LGALS3BP: variants seen among roughly 807,000 people sequenced by gnomAD.
LGALS3BP encodes galectin 3 binding protein, also known as galectin-3-binding protein.
Under a neutral mutation model 22.9 loss-of-function variants are expected in LGALS3BP, and 25 were observed. That is an observed-to-expected ratio of 1.09 (90% CI 0.80 to 1.53). LGALS3BP has a LOEUF of 1.53. LGALS3BP is among the 40% of genes most tolerant of loss of function. The pLI, the probability that LGALS3BP is intolerant of heterozygous loss-of-function variation, is 0.00. For synonymous variants in LGALS3BP, 335 were observed against 331.1 expected (o/e 1.01, Z -0.13); for missense variants, 718 against 752.0 (o/e 0.95, Z 0.53).
chr17:78,975,700 G>A (rs1279727367), intron 3 of LGALS3BP, among the ~76,000 whole-genome samples: 1 of 146,068 alleles, frequency 6.8e-6, no homozygotes, highest in Admixed American at 7.2e-5. Flanking sequence ...GCTGAGACAG[G>A]AGAATCACTT....
rs2070679603 is a variant in LGALS3BP, at chr17:78,972,316, C to T, written c.1018G>A (p.Glu340Lys). Residue 340 changes from glutamate to lysine, a missense_variant, in exon 6 of 6, where the codon GAG becomes AAG. Coordinates refer to ENST00000262776, the MANE Select transcript of LGALS3BP (RefSeq NM_005567.4). This position sits in a 1 kb window ranked among gnomAD's most constrained non-coding sequence, Gnocchi z 5.1. The part of the protein sequence containing the change: ...WGERASHEEV[E>K]GLVEKIRFPM... ...AAGCGGATCTTCTCCACCAAGCCCT[C>T]CACCTCCTCATGGGAGGCACGCTCC... The T allele has an allele frequency of 6.2e-7, 1 of 1,613,392 alleles. No homozygotes were observed. The highest frequency in any genetic ancestry group is 8.5e-7 in the Non-Finnish European group (1 of 1,179,902).
chr17:78,974,097 A>G (rs1003035802), intron 4 of LGALS3BP, among the ~76,000 whole-genome samples: 3 of 152,134 alleles, frequency 2.0e-5, no homozygotes, highest in Non-Finnish European at 4.4e-5. Flanking sequence ...CTGGGATTCG[A>G]CCCGTCCTGC....
intron 4 of LGALS3BP, among the ~76,000 whole-genome samples, chr17:78,974,100 C>T (rs373881730): frequency 1.6e-4 from 24 of 152,274 alleles, no homozygotes; most frequent in Admixed American, 5.2e-4. Context: ...GGATTCGACC[C>T]GTCCTGCCTT....
rs1468454601 is a variant in LGALS3BP, at chr17:78,972,303, TCCA to T, written c.1028_1030del (p.Val343del). On this transcript the variant is annotated inframe_deletion, in exon 6 of 6. Transcript: ENST00000262776. This position sits in a 1 kb window ranked among gnomAD's most constrained non-coding sequence, Gnocchi z 5.1. ...GAGCATCATGGGGAAGCGGATCTTCTCCACCAAGCCCTCCACCTCCTCATGGGA... is the reference window on the plus strand; with the variant it reads ...GAGCATCATGGGGAAGCGGATCTTCTCCAAGCCCTCCACCTCCTCATGGGA... 12 of 1,613,106 alleles carry T rather than the reference TCCA, an allele frequency of 7.4e-6. No homozygotes were observed. The Admixed American group carries it at 2.0e-4, about 27-fold the overall frequency.
In LGALS3BP at chr17:78,972,060, G is replaced by A. The variant is rs773865069; in HGVS notation, c.1274C>T (p.Ala425Val). Residue 425 changes from alanine to valine, a missense_variant, in exon 6 of 6, where the codon GCA becomes GTA. Physicochemically the swap from Ala to Val is moderately conservative, Grantham distance 64. Transcript: ENST00000262776. The surrounding 1 kb of genome is among the most constrained non-coding windows in gnomAD (Gnocchi z 5.1). Reference sequence around the variant, plus strand: ...CTGATAGACCAGTTGTGACTTCCGTGCACTCCAGGAACTGTCTGTCACAAA... The same window carrying A: ...CTGATAGACCAGTTGTGACTTCCGTACACTCCAGGAACTGTCTGTCACAAA... ...SAFVTDSSWS[A>V]RKSQLVYQSR... is the part of the protein sequence containing the mutation. The A allele has an allele frequency of 2.6e-5, 42 of 1,613,940 alleles. No homozygotes were observed. Among genetic ancestry groups the A allele is most frequent in the Non-Finnish European group, 1.4e-5 (16 of 1,180,028 alleles).
At position 78,976,227 on chromosome 17, in the gene LGALS3BP, A is replaced by T. The variant is rs2070720015; in HGVS notation, c.53-71T>A. 6.7e-6 allele frequency: 9 copies of T among 1,351,758 alleles called. No individual in the cohort carries two copies. The highest frequency in any genetic ancestry group is 8.0e-6 in the Non-Finnish European group (8 of 1,002,476). The allele number at this position is 1,351,758 out of a possible 1,614,324, so 83.7% of individuals were successfully genotyped here. A position where few individuals can be genotyped will look rare whatever the true frequency, so the allele number is the denominator to read the frequency against. ...CACCGCCCACACCTCCAGGCCCCATATGCTGTCCTGGGTCTCCCCTGCTGA... is the reference window on the plus strand; with the variant it reads ...CACCGCCCACACCTCCAGGCCCCATTTGCTGTCCTGGGTCTCCCCTGCTGA... On this transcript the variant is annotated intron_variant, in intron 2 of 5. Transcript: ENST00000262776. The surrounding 1 kb of genome is among the most constrained non-coding windows in gnomAD (Gnocchi z 4.6).
Position 78,971,688 on chromosome 17 carries a change from T to C in LGALS3BP, c.1646A>G (p.Asp549Gly). 1.2e-6 allele frequency: 2 copies of C among 1,613,868 alleles called. No individual in the cohort carries two copies. Among genetic ancestry groups the C allele is most frequent in the Non-Finnish European group, 1.7e-6 (2 of 1,180,016 alleles). ...GWKAAIPSAL[D>G]TNSSKSTSSF... Reference sequence around the variant, plus strand: ...GGAGGTGCTCTTCGAGCTGTTGGTGTCCAGGGCACTGGGAATCGCAGCCTT... The same window carrying C: ...GGAGGTGCTCTTCGAGCTGTTGGTGCCCAGGGCACTGGGAATCGCAGCCTT... The change falls in exon 6 of 6, where the codon GAC (aspartate) becomes GGC (glycine). Residue 549 changes from aspartate to glycine, a missense_variant. Coordinates refer to ENST00000262776, the MANE Select transcript of LGALS3BP (RefSeq NM_005567.4). This position sits in a 1 kb window ranked among gnomAD's most constrained non-coding sequence, Gnocchi z 5.6.
In LGALS3BP at chr17:78,976,761, C is replaced by G. The variant is rs963265434; in HGVS notation, c.52+379G>C. The G allele has an allele frequency of 8.7e-6, 2 of 231,082 alleles. No homozygotes were observed. The highest frequency in any genetic ancestry group is 1.2e-4 in the South Asian group (2 of 17,108). The allele number at this position is 231,082 out of a possible 1,614,324, so 14.3% of individuals were successfully genotyped here. A position where few individuals can be genotyped will look rare whatever the true frequency, so the allele number is the denominator to read the frequency against. On this transcript the variant is annotated intron_variant, in intron 2 of 5. Coordinates refer to ENST00000262776, the MANE Select transcript of LGALS3BP (RefSeq NM_005567.4). This position sits in a 1 kb window ranked among gnomAD's most constrained non-coding sequence, Gnocchi z 4.6. ...GGGCCCCCAGGATGAGCATGAGCTT[C>G]CAGGGGCTCACAGTGTAAAGAATGT... is the stretch of plus-strand genomic sequence containing the variant.
chr17:78,977,929 A>C (rs1260195596), intron 1 of LGALS3BP, among the ~76,000 whole-genome samples: 2 of 152,206 alleles, frequency 1.3e-5, no homozygotes. Context: ...TCAGGCCAGG[A>C]CTGGGGAGGT....
chr17:78,971,676 G>T lies in LGALS3BP; in HGVS notation c.1658C>A (p.Ser553Ter), dbSNP rs143986382. 1 of 1,613,826 alleles carries T rather than the reference G, an allele frequency of 6.2e-7. No homozygotes were observed. The highest frequency in any genetic ancestry group is 2.2e-5 in the East Asian group (1 of 44,876). The part of the protein sequence containing the change: ...AIPSALDTNS[S>*]KSTSSFPCPA... ...GCAGGGGAAGGAGGAGGTGCTCTTC[G>T]AGCTGTTGGTGTCCAGGGCACTGGG... The change falls in exon 6 of 6, where the codon TCG (serine) becomes TAG (stop). Residue 553 changes from serine (S) to a stop codon, truncating the protein, a stop_gained. Transcript: ENST00000262776. LOFTEE classifies it low-confidence loss of function (END_TRUNC). The surrounding 1 kb of genome is among the most constrained non-coding windows in gnomAD (Gnocchi z 5.6).
In LGALS3BP at chr17:78,973,251, G is replaced by A; in HGVS notation, c.377-29C>T. On this transcript the variant is annotated intron_variant, in intron 4 of 5. Transcript: ENST00000262776. This position sits in a 1 kb window ranked among gnomAD's most constrained non-coding sequence, Gnocchi z 5.8. Reference sequence around the variant, plus strand: ...AGAAGGGGCGGGAGGGAAGTGGGCTGCGTTAGGAGCCGGGGCACTGCCACT... The same window carrying A: ...AGAAGGGGCGGGAGGGAAGTGGGCTACGTTAGGAGCCGGGGCACTGCCACT... 1 of 1,479,306 alleles carries A rather than the reference G, an allele frequency of 6.8e-7. No homozygotes were observed. The highest frequency in any genetic ancestry group is 1.3e-5 in the South Asian group (1 of 77,100). 91.6% of individuals were successfully genotyped at this position (1,479,306 alleles called of 1,614,324 possible).
chr17:78,974,783 G>T lies in LGALS3BP; in HGVS notation c.281C>A (p.Thr94Lys), dbSNP rs574866769. ...GPIMLDEVQC[T>K]GTEASLADCK... The stretch of plus-strand genomic sequence containing the variant: ...GTCGGCCAGTGAGGCCTCGGTTCCC[G>T]TGCACTGGACCTCATCCAGCATGAT... The change falls in exon 4 of 6, where the codon ACG (threonine) becomes AAG (lysine). Residue 94 changes from threonine (T) to lysine (K), a missense_variant. Physicochemically the swap from Thr to Lys is moderately conservative, Grantham distance 78. Coordinates refer to ENST00000262776, the MANE Select transcript of LGALS3BP (RefSeq NM_005567.4). 4.3e-6 allele frequency: 7 copies of T among 1,613,662 alleles called. No homozygotes were observed. The South Asian group carries it at 7.7e-5, about 18-fold the overall frequency.
intron 2 of LGALS3BP, 103 bp downstream of exon 2, chr17:78,977,036 GC>G: frequency 8.2e-7 from 1 of 1,214,394 alleles, no homozygotes. Flanking sequence ...TAACCGCTGG[GC>G]CCCGGGCCCC....
In LGALS3BP at chr17:78,972,992, GCA is replaced by G. The variant is rs1284680423; in HGVS notation, c.605_606del (p.Val202AlafsTer16). ...NVTMSVDAEC[V>X]PMVRDLLRYF... ...CACCTGAGAAGGTCCCTGACCATGGGCACACACTCAGCATCCACACTCATGGT... is the reference window on the plus strand; with the variant it reads ...CACCTGAGAAGGTCCCTGACCATGGGCACACTCAGCATCCACACTCATGGT... On this transcript the variant is annotated frameshift_variant, in exon 5 of 6. Transcript: ENST00000262776. LOFTEE classifies it low-confidence loss of function (END_TRUNC). This position sits in a 1 kb window ranked among gnomAD's most constrained non-coding sequence, Gnocchi z 5.1. 1 of 1,610,388 alleles carries G rather than the reference GCA, an allele frequency of 6.2e-7. No individual in the cohort carries two copies. The highest frequency in any genetic ancestry group is 8.5e-7 in the Non-Finnish European group (1 of 1,177,350).
chr17:78,974,553 T>C (rs2070701879), intron 4 of LGALS3BP, 135 bp downstream of exon 4: 1 of 1,017,574 alleles, frequency 9.8e-7, no homozygotes, highest in South Asian at 1.6e-5. Flanking sequence ...GGCCTCTCCA[T>C]GCGGAGTGGG....
rs2070696729 is a variant in LGALS3BP at position 78,973,897 on chromosome 17, T to G, written c.377-675A>C. Among the ~76,000 whole-genome samples the G allele has an allele frequency of 6.6e-6, 1 of 152,192 alleles. No homozygotes were observed. The highest frequency in any genetic ancestry group is 2.4e-5 in the African/African-American group (1 of 41,438). On this transcript the variant is annotated intron_variant, in intron 4 of 5. Transcript: ENST00000262776. The surrounding 1 kb of genome is among the most constrained non-coding windows in gnomAD (Gnocchi z 5.8). ...CCTGAGCCACCGCAGGACCCCCAGCTCCCTCCCACCTGCACGCCTTACCAC... is the reference window on the plus strand; with the variant it reads ...CCTGAGCCACCGCAGGACCCCCAGCGCCCTCCCACCTGCACGCCTTACCAC...
At chr17:78,977,850 A>G (rs1191206588) in intron 1 of LGALS3BP, among the ~76,000 whole-genome samples, 6 of 152,150 alleles carry the variant, frequency 3.9e-5, no homozygotes, top group Non-Finnish European at 8.8e-5. Context: ...TCAGGGCTGC[A>G]GCCCAGGGTG....
chr17:78,971,622 G>T lies in LGALS3BP; in HGVS notation c.1712C>A (p.Thr571Lys). ...GGTCAGGTAGAAGGGGCGGATGACC[G>T]TGCGGAAGCCGTTGAAGTGCCCTGC... Reference protein sequence around the residue: ...CPAGHFNGFRTVIRPFYLTNS... With the variant: ...CPAGHFNGFRKVIRPFYLTNS... The change falls in exon 6 of 6, where the codon ACG (threonine) becomes AAG (lysine). Residue 571 changes from threonine to lysine, a missense_variant. By Grantham distance (78) the Thr-to-Lys change is moderately conservative. Transcript: ENST00000262776. This position sits in a 1 kb window ranked among gnomAD's most constrained non-coding sequence, Gnocchi z 5.6. The T allele has an allele frequency of 1.2e-6, 2 of 1,613,706 alleles. No homozygotes were observed. Among genetic ancestry groups the T allele is most frequent in the Non-Finnish European group, 1.7e-6 (2 of 1,180,024 alleles).
intron 3 of LGALS3BP, among the ~76,000 whole-genome samples, chr17:78,975,444 T>C (rs3826311): frequency 0.3 from 45,752 of 152,022 alleles, 8,802 homozygotes; most frequent in African/African-American, 0.53. Flanking sequence ...CCACCATCAC[T>C]GGCCAAGTGT....
Sources: allele counts gnomAD v4.1 joint callset (sites outside exome capture counted in the v4.1 genomes callset), GRCh38; gene constraint gnomAD v4.1.1; non-coding constraint Gnocchi (gnomAD v3.1); transcripts MANE v1.5; gene names NCBI Gene and HGNC (gene_info 2026-07-23, HGNC 2026-07-21).